The following C4BPA variants were observed in gnomAD, a reference collection of about 807,000 sequenced individuals.
The protein encoded by C4BPA is complement component 4 binding protein alpha.
C4BPA carries 31 observed loss-of-function variants against 63.7 expected under a neutral mutation model. The ratio of observed to expected loss-of-function variants is 0.49; its 90% confidence interval spans 0.37 to 0.66. The LOEUF is 0.66. Ranked by LOEUF, C4BPA falls within the 30% of genes least tolerant of loss-of-function variation. C4BPA has a pLI of 0.00. For missense variants in C4BPA, 572 were observed against 723.3 expected (o/e 0.79, Z 2.40); for synonymous variants, 259 against 254.7 (o/e 1.02, Z -0.16).
chr1:207,134,621 G>C, intron 9 of C4BPA, 29 bp downstream of exon 9: 1 of 1,519,734 alleles, frequency 6.6e-7, no homozygotes, highest in South Asian at 1.2e-5. Flanking sequence ...ATCTTATTCT[G>C]GGAGTTTCTT....
chr1:207,126,823 C>T lies in C4BPA; in HGVS notation c.817C>T (p.Leu273Phe). 1.2e-6 allele frequency: 2 copies of T among 1,613,484 alleles called. No individual in the cohort carries two copies. Among genetic ancestry groups the T allele is most frequent in the Non-Finnish European group, 8.5e-7 (1 of 1,179,632 alleles). The change falls in exon 7 of 12, where the codon CTC becomes TTC. Residue 273 changes from leucine to phenylalanine, a missense_variant. Leu to Phe is a conservative substitution (Grantham distance 22). This residue lies in a region of C4BPA where 465 missense variants were observed against 629.4 expected (regional missense o/e 0.74). Transcript: ENST00000367070. ...IVFKCQKGFV[L>F]RGSSVIHCDA... Reference sequence around the variant, plus strand: ...GTTTAAGTGCCAAAAAGGTTTTGTTCTCAGAGGCAGCAGTGTAATTCATTG... The same window carrying T: ...GTTTAAGTGCCAAAAAGGTTTTGTTTTCAGAGGCAGCAGTGTAATTCATTG...
At chr1:207,138,926 T>G (rs757243065) in intron 9 of C4BPA, among the ~76,000 whole-genome samples, 14 of 152,214 alleles carry the variant, frequency 9.2e-5, no homozygotes, top group Non-Finnish European at 1.3e-4. Context: ...TATTGTATTT[T>G]TTTACTTTGG....
chr1:207,117,017 T>C (rs1327655946), intron 4 of C4BPA, among the ~76,000 whole-genome samples: 1 of 152,234 alleles, frequency 6.6e-6, no homozygotes, highest in African/African-American at 2.4e-5. Flanking sequence ...TGAAGCTTTA[T>C]AATATGTTTT....
At chr1:207,111,109 G>T (rs149349784) in intron 1 of C4BPA, among the ~76,000 whole-genome samples, 1 of 152,224 alleles carries the variant, frequency 6.6e-6, no homozygotes. Context: ...CAGATGATGA[G>T]TGAGGTGGTT....
chr1:207,129,461 C>T (rs1451603860), intron 7 of C4BPA, among the ~76,000 whole-genome samples: 2 of 146,938 alleles, frequency 1.4e-5, no homozygotes, highest in East Asian at 3.9e-4. Flanking sequence ...CATTAATCTA[C>T]ATATCCAAGA....
At chr1:207,142,846 G>C (rs781219476) in intron 10 of C4BPA, among the ~76,000 whole-genome samples, 3 of 152,120 alleles carry the variant, frequency 2.0e-5, no homozygotes, top group Non-Finnish European at 4.4e-5. Context: ...CAACATGCTG[G>C]AGAGGATGTG....
rs1339197015 is a variant in C4BPA, at chr1:207,119,847, C to T, written c.429-4075C>T. 2.7e-4 allele frequency among the ~76,000 whole-genome samples: 8 copies of T among 29,094 alleles called. 2 individuals are homozygous for T. Among genetic ancestry groups the T allele is most frequent in the Admixed American group, 4.3e-4 (1 of 2,326 alleles). 19.1% of individuals were successfully genotyped at this position (29,094 alleles called of 152,430 possible). The stretch of plus-strand genomic sequence containing the variant: ...ATGTGGTTGTAGCAGATATTTATAA[C>T]GATGTTTCTGTTACTTATTCCATAT... On this transcript the variant is annotated intron_variant, in intron 4 of 11. Coordinates refer to ENST00000367070, the MANE Select transcript of C4BPA (RefSeq NM_000715.4).
At chr1:207,109,048 A>C (rs1001123904) in intron 1 of C4BPA, among the ~76,000 whole-genome samples, 3 of 152,128 alleles carry the variant, frequency 2.0e-5, no homozygotes, top group African/African-American at 4.8e-5. Flanking sequence ...TGATGATTAA[A>C]GTTATGGATG....
At chr1:207,128,399 T>C (rs761369919) in intron 7 of C4BPA, among the ~76,000 whole-genome samples, 1 of 152,164 alleles carries the variant, frequency 6.6e-6, no homozygotes, top group Non-Finnish European at 1.5e-5. Context: ...TCCTGATCTA[T>C]AGGACAGACA....
chr1:207,112,351 T>G (rs986968261), intron 1 of C4BPA, among the ~76,000 whole-genome samples: 31 of 101,272 alleles, frequency 3.1e-4, no homozygotes, highest in Admixed American at 5.2e-4. Context: ...TGCCTTTTTG[T>G]TTTTTTTTTT....
chr1:207,130,639 T>A (rs1292653422), intron 7 of C4BPA, among the ~76,000 whole-genome samples: 1 of 152,200 alleles, frequency 6.6e-6, no homozygotes, highest in Non-Finnish European at 1.5e-5. Context: ...AAAGTACTAA[T>A]GTATGCTACA....
chr1:207,142,779 C>T (rs747103138), intron 10 of C4BPA, among the ~76,000 whole-genome samples: 4 of 152,156 alleles, frequency 2.6e-5, no homozygotes, highest in Admixed American at 2.0e-4. Flanking sequence ...ACAGTTACCT[C>T]GTTAGTTGGG....
chr1:207,133,241 T>TA (rs1685199592), intron 8 of C4BPA, among the ~76,000 whole-genome samples: 1 of 152,222 alleles, frequency 6.6e-6, no homozygotes, highest in Non-Finnish European at 1.5e-5. Context: ...AACCATATGA[T>TA]TGCTGAATAT....
intron 4 of C4BPA, among the ~76,000 whole-genome samples, chr1:207,122,948 A>T (rs1259411900): frequency 6.6e-6 from 1 of 152,038 alleles, no homozygotes; most frequent in Non-Finnish European, 1.5e-5. Flanking sequence ...GCCTATGTTG[A>T]TTCTCTTTTG....
chr1:207,124,769 A>G (rs536903225), intron 6 of C4BPA, among the ~76,000 whole-genome samples: 1 of 152,314 alleles, frequency 6.6e-6, no homozygotes, highest in East Asian at 1.9e-4. Context: ...ATGTGCCTTC[A>G]CAGTCTCTTC....
chr1:207,131,880 C>T, intron 8 of C4BPA, 140 bp downstream of exon 8: 1 of 617,794 alleles, frequency 1.6e-6, no homozygotes, highest in Admixed American at 3.2e-5. Context: ...ACTGTTAGTG[C>T]CAGAAGGGGA....
intron 9 of C4BPA, among the ~76,000 whole-genome samples, chr1:207,139,842 A>G (rs1685375184): frequency 6.6e-6 from 1 of 152,194 alleles, no homozygotes; most frequent in African/African-American, 2.4e-5. Context: ...TTCATCTTCA[A>G]TTAATGATTA....
chr1:207,142,044 T>G (rs1467165152), intron 10 of C4BPA, among the ~76,000 whole-genome samples: 7 of 152,264 alleles, frequency 4.6e-5, no homozygotes, highest in Admixed American at 2.6e-4. Context: ...ACATTAGGTA[T>G]TTCTCCTAAT....
intron 6 of C4BPA, 102 bp from the exon 7 acceptor site, chr1:207,126,611 C>A: frequency 1.3e-6 from 1 of 770,728 alleles, no homozygotes; most frequent in Non-Finnish European, 2.1e-6. Flanking sequence ...GCACATTCAA[C>A]AGGCATTTGT....
Sources: allele counts gnomAD v4.1 joint callset (sites outside exome capture counted in the v4.1 genomes callset), GRCh38; gene constraint gnomAD v4.1.1; regional missense constraint gnomAD v4.1.1; transcripts MANE v1.5; gene names NCBI Gene and HGNC (gene_info 2026-07-23, HGNC 2026-07-21).